Variants in CUX2 observed in about 807,000 individuals in gnomAD.
CUX2 encodes the protein homeobox protein cut-like 2.
Under a neutral mutation model 144.8 loss-of-function variants are expected in CUX2, and 40 were observed. The observed-to-expected ratio is 0.28, with a 90% confidence interval of 0.21 to 0.36. CUX2 has a LOEUF of 0.36. Among genes scored for constraint, CUX2 ranks in the 10% least tolerant of loss-of-function variants. The probability of loss-of-function intolerance (pLI) is 1.00; values close to 1 mark genes in which losing one functional copy is unlikely to be tolerated. For missense variants in CUX2, 1,615 were observed against 1,994.0 expected (o/e 0.81, Z 3.62); for synonymous variants, 827 against 875.6 (o/e 0.94, Z 0.98).
intron 1 of CUX2, among the ~76,000 whole-genome samples, chr12:111,094,237 G>A (rs1325562061): frequency 3.9e-5 from 6 of 152,160 alleles, no homozygotes; most frequent in Non-Finnish European, 8.8e-5. Context: ...TGGCAGAATC[G>A]ATCACTCCAA....
intron 1 of CUX2, among the ~76,000 whole-genome samples, chr12:111,046,813 C>G (rs746738766): frequency 5.9e-5 from 9 of 152,150 alleles, no homozygotes; most frequent in Non-Finnish European, 1.2e-4. Context: ...TGTGCCACTA[C>G]GCCTGGCTGA....
intron 1 of CUX2, among the ~76,000 whole-genome samples, chr12:111,042,457 C>T (rs550510108): frequency 6.6e-6 from 1 of 152,150 alleles, no homozygotes; most frequent in South Asian, 2.1e-4. Context: ...ACACCCTCCA[C>T]CCCCAAAGAC....
chr12:111,240,164 C>A (rs1337973396), intron 3 of CUX2, among the ~76,000 whole-genome samples: 1 of 152,216 alleles, frequency 6.6e-6, no homozygotes, highest in Admixed American at 6.5e-5. Flanking sequence ...GCCTCACAGC[C>A]AATGGTGGAG....
At chr12:111,048,121 C>T (rs574929315) in intron 1 of CUX2, among the ~76,000 whole-genome samples, 31 of 152,254 alleles carry the variant, frequency 2.0e-4, no homozygotes, top group African/African-American at 6.5e-4. Flanking sequence ...TTTTAGACCA[C>T]GGTAGTGGCT....
chr12:111,065,276 G>A (rs1870971251), intron 1 of CUX2, among the ~76,000 whole-genome samples: 2 of 152,252 alleles, frequency 1.3e-5, no homozygotes, highest in Non-Finnish European at 2.9e-5. Flanking sequence ...GAGTGGGGCT[G>A]GATTTGACCC....
chr12:111,119,248 A>G (rs994651927), intron 1 of CUX2, among the ~76,000 whole-genome samples: 3 of 152,148 alleles, frequency 2.0e-5, no homozygotes, highest in Admixed American at 1.3e-4. Flanking sequence ...TGCAGGGTGC[A>G]TGCCAGTCCC....
Position 111,287,269 on chromosome 12 carries a change from C to A in CUX2, c.302-4149C>A, listed in dbSNP as rs3809280. Among the ~76,000 whole-genome samples, 3,272 of 152,326 alleles carry A rather than the reference C, an allele frequency of 0.021. 75 individuals are homozygous for A. Among genetic ancestry groups the A allele is most frequent in the African/African-American group, 0.057 (2,380 of 41,576 alleles). Reference sequence around the variant, plus strand: ...GTCGTTTGGCTCAATGGGCTCATGGCCAGCAGGGCCCCTGGGCCACGAGCC... The same window carrying A: ...GTCGTTTGGCTCAATGGGCTCATGGACAGCAGGGCCCCTGGGCCACGAGCC... On this transcript the variant is annotated intron_variant, in intron 4 of 21. Coordinates refer to ENST00000261726, the MANE Select transcript of CUX2 (RefSeq NM_015267.4). The surrounding 1 kb of genome is among the most constrained non-coding windows in gnomAD (Gnocchi z 4.2).
intron 1 of CUX2, among the ~76,000 whole-genome samples, chr12:111,199,517 T>C (rs1235723026): frequency 2.0e-5 from 3 of 152,144 alleles, no homozygotes; most frequent in Non-Finnish European, 4.4e-5. Flanking sequence ...GTTGGGAATG[T>C]GCGTGCCCTG....
rs1885454264 is a variant in CUX2, at chr12:111,287,609, A to G, written c.302-3809A>G. Among the ~76,000 whole-genome samples, 1 of 152,262 alleles carries G rather than the reference A, an allele frequency of 6.6e-6. No individual in the cohort carries two copies. Among genetic ancestry groups the G allele is most frequent in the Non-Finnish European group, 1.5e-5 (1 of 68,048 alleles). On this transcript the variant is annotated intron_variant, in intron 4 of 21. Transcript: ENST00000261726. The surrounding 1 kb of genome is among the most constrained non-coding windows in gnomAD (Gnocchi z 4.2). Reference sequence around the variant, plus strand: ...TGCGCTTGCTGGGTTAATTATGTCAATGTATAATTACATCAGCCCGGGGAG... The same window carrying G: ...TGCGCTTGCTGGGTTAATTATGTCAGTGTATAATTACATCAGCCCGGGGAG...
intron 1 of CUX2, among the ~76,000 whole-genome samples, chr12:111,146,438 C>T (rs1436412849): frequency 1.3e-5 from 2 of 152,220 alleles, no homozygotes; most frequent in East Asian, 3.9e-4. Flanking sequence ...TGGAATTATA[C>T]TGTGTGTGAT....
intron 1 of CUX2, among the ~76,000 whole-genome samples, chr12:111,125,974 A>G (rs1365775084): frequency 1.3e-5 from 2 of 151,778 alleles, no homozygotes; most frequent in African/African-American, 2.4e-5. Context: ...GTTATGAACT[A>G]TATTAGGGTT....
In CUX2 at chr12:111,035,465, C is replaced by G. The variant is rs925226735; in HGVS notation, c.63+1225C>G. On this transcript the variant is annotated intron_variant, in intron 1 of 21. Transcript: ENST00000261726. This position sits in a 1 kb window ranked among gnomAD's most constrained non-coding sequence, Gnocchi z 6.0. ...GGACGCGCCTGGCAAGGCCCCCCAG[C>G]CTTGGAGTCTCGCAAAGTCTCGGCG... Among the ~76,000 whole-genome samples, 2 of 152,056 alleles carry G rather than the reference C, an allele frequency of 1.3e-5. No homozygotes were observed. Among genetic ancestry groups the G allele is most frequent in the Admixed American group, 1.3e-4 (2 of 15,272 alleles).
At chr12:111,137,028 C>T in intron 1 of CUX2, among the ~76,000 whole-genome samples, 1 of 151,558 alleles carries the variant, frequency 6.6e-6, no homozygotes, top group Non-Finnish European at 1.5e-5. Flanking sequence ...ACCTCTGCTT[C>T]CCAGGCTCAA....
At position 111,166,013 on chromosome 12, in the gene CUX2, TC is replaced by T. The variant is rs1592793434; in HGVS notation, c.64-48186del. On this transcript the variant is annotated intron_variant, in intron 1 of 21. Transcript: ENST00000261726. ...GCGCTTTCAGTGTGTCCACTTTGACTCTTTTTTGTTGTTGTTGTTTTTATAG... is the reference window on the plus strand; with the variant it reads ...GCGCTTTCAGTGTGTCCACTTTGACTTTTTTTGTTGTTGTTGTTTTTATAG... 2.6e-5 allele frequency among the ~76,000 whole-genome samples: 4 copies of T among 152,252 alleles called. No individual in the cohort carries two copies. In the East Asian group the frequency reaches 5.8e-4, roughly 22 times the overall value.
intron 1 of CUX2, among the ~76,000 whole-genome samples, chr12:111,075,464 C>T (rs1365907167): frequency 1.3e-5 from 2 of 152,030 alleles, no homozygotes; most frequent in African/African-American, 4.8e-5. Flanking sequence ...GGAGTCAAAG[C>T]GTCTAGGCTG....
intron 1 of CUX2, among the ~76,000 whole-genome samples, chr12:111,198,407 G>A (rs544151486): frequency 5.9e-5 from 9 of 151,938 alleles, no homozygotes; most frequent in Admixed American, 1.3e-4. Context: ...CCTGGGAAGC[G>A]GAGGTTGCAG....
At chr12:111,341,270 G>A (rs970023994) in intron 20 of CUX2, among the ~76,000 whole-genome samples, 6 of 151,898 alleles carry the variant, frequency 4.0e-5, no homozygotes, top group African/African-American at 7.3e-5. Flanking sequence ...TTCCAACCTG[G>A]GTGACAGAGA....
At chr12:111,282,781 C>T (rs996761655) in intron 4 of CUX2, among the ~76,000 whole-genome samples, 3 of 152,124 alleles carry the variant, frequency 2.0e-5, no homozygotes, top group Admixed American at 6.6e-5. Flanking sequence ...AGACAGCTGC[C>T]TTCTTACTGT....
At chr12:111,340,968 A>G (rs1888549607) in intron 20 of CUX2, among the ~76,000 whole-genome samples, 1 of 152,236 alleles carries the variant, frequency 6.6e-6, no homozygotes, top group Non-Finnish European at 1.5e-5. Context: ...TGGAAGCATC[A>G]GGTTATAAAT....
Sources: gnomAD v4.1 joint callset for allele counts (sites outside exome capture counted in the v4.1 genomes callset) on GRCh38, gnomAD v4.1.1 for gene constraint, Gnocchi (gnomAD v3.1) non-coding constraint, MANE v1.5 for transcripts, NCBI Gene and HGNC (gene_info 2026-07-23, HGNC 2026-07-21) for gene names.